Variants in MEGF11 observed in about 807,000 individuals in gnomAD.
MEGF11 encodes the protein multiple epidermal growth factor-like domains protein 11.
Under a neutral mutation model 146.6 loss-of-function variants are expected in MEGF11, and 126 were observed. That is an observed-to-expected ratio of 0.86 (90% confidence interval 0.74 to 1.00). MEGF11 has a LOEUF of 1.00. MEGF11 is among the 50% of genes least tolerant of loss of function. The probability of loss-of-function intolerance (pLI) is 0.00; values close to 1 mark genes in which losing one functional copy is unlikely to be tolerated. For synonymous variants in MEGF11, 532 were observed against 583.4 expected, an observed-to-expected ratio of 0.91 and a Z score of 1.27; for missense variants, 1,509 against 1,521.2, an observed-to-expected ratio of 0.99 and a Z score of 0.13.
chr15:66,143,639 G>GA (rs2089256128), intron 1 of MEGF11, among the ~76,000 whole-genome samples: 1 of 152,208 alleles, frequency 6.6e-6, no homozygotes, highest in Admixed American at 6.5e-5. Flanking sequence ...AAAGCTTCCG[G>GA]AAGTTGACTT....
intron 1 of MEGF11, among the ~76,000 whole-genome samples, chr15:66,150,212 C>T (rs184710878): frequency 2.0e-5 from 3 of 152,346 alleles, no homozygotes; most frequent in Non-Finnish European, 2.9e-5. Flanking sequence ...CAGGGGAGAA[C>T]GGCAGTTCAA....
chr15:66,055,164 C>T (rs960323918), intron 5 of MEGF11, among the ~76,000 whole-genome samples: 2 of 152,188 alleles, frequency 1.3e-5, no homozygotes, highest in Non-Finnish European at 2.9e-5. Flanking sequence ...AGACAAGATT[C>T]GTGGTCAAAC....
intron 7 of MEGF11, among the ~76,000 whole-genome samples, chr15:65,977,250 C>A (rs1308881990): frequency 6.6e-6 from 1 of 151,588 alleles, no homozygotes; most frequent in Admixed American, 6.6e-5. Flanking sequence ...CATGCCAGCT[C>A]TCCTGGAGGG....
At chr15:65,955,312 A>AGACT (rs1162081287) in intron 10 of MEGF11, among the ~76,000 whole-genome samples, 2 of 152,162 alleles carry the variant, frequency 1.3e-5, no homozygotes, top group Admixed American at 1.3e-4. Context: ...AGAGAAAACC[A>AGACT]GACTTCCTTC....
intron 1 of MEGF11, among the ~76,000 whole-genome samples, chr15:66,175,817 G>A (rs959407982): frequency 2.6e-5 from 4 of 152,016 alleles, no homozygotes; most frequent in Non-Finnish European, 4.4e-5. Flanking sequence ...AAAAATAGAC[G>A]AATGGGACTA....
At chr15:66,032,998 G>A (rs751304548) in intron 5 of MEGF11, among the ~76,000 whole-genome samples, 11 of 146,670 alleles carry the variant, frequency 7.5e-5, no homozygotes, top group East Asian at 6.0e-4. Flanking sequence ...GGAGAATGGC[G>A]TGAACCTGGG....
chr15:66,131,619 G>A (rs905943953), intron 1 of MEGF11, among the ~76,000 whole-genome samples: 1 of 152,210 alleles, frequency 6.6e-6, no homozygotes, highest in Non-Finnish European at 1.5e-5. Flanking sequence ...CACCTCTGGA[G>A]GGCATTCTCT....
chr15:66,130,377 C>T (rs989607664), intron 1 of MEGF11, among the ~76,000 whole-genome samples: 2 of 152,144 alleles, frequency 1.3e-5, no homozygotes, highest in Non-Finnish European at 2.9e-5. Context: ...CTCTCTGTGG[C>T]CCTGACTCAT....
intron 1 of MEGF11, among the ~76,000 whole-genome samples, chr15:66,167,404 G>A (rs968854053): frequency 3.3e-5 from 5 of 151,780 alleles, no homozygotes; most frequent in Non-Finnish European, 5.9e-5. Context: ...CACTTTGGGA[G>A]GCCGAGGCGG....
chr15:66,025,225 AC>A (rs2083287368), intron 5 of MEGF11, among the ~76,000 whole-genome samples: 1 of 152,064 alleles, frequency 6.6e-6, no homozygotes, highest in South Asian at 2.1e-4. Context: ...GGGAAAACAC[AC>A]CCGCATTCTC....
At chr15:65,974,770 A>G (rs1236058594) in intron 7 of MEGF11, among the ~76,000 whole-genome samples, 1 of 152,080 alleles carries the variant, frequency 6.6e-6, no homozygotes, top group Non-Finnish European at 1.5e-5. Flanking sequence ...GGTATTCAAA[A>G]GGGAGGAGAA....
In MEGF11 at chr15:66,174,980, T is replaced by C. The variant is rs140376161; in HGVS notation, c.-8-46569A>G. On this transcript the variant is annotated intron_variant, in intron 1 of 25. Coordinates refer to ENST00000395614, the MANE Select transcript of MEGF11 (RefSeq NM_001385028.1). ...AGCAATTGTAAATGAGATTGCTTTC[T>C]TGATTTCTTTTTCAGCTAGTTTGTA... Among the ~76,000 whole-genome samples, 361 of 152,340 alleles carry C rather than the reference T, an allele frequency of 2.4e-3. 2 individuals are homozygous for C. The highest frequency in any genetic ancestry group is 8.5e-3 in the African/African-American group (352 of 41,580).
At chr15:66,132,734 A>G (rs1036508276) in intron 1 of MEGF11, among the ~76,000 whole-genome samples, 1 of 152,164 alleles carries the variant, frequency 6.6e-6, no homozygotes, top group African/African-American at 2.4e-5. Flanking sequence ...TACCGTGCCT[A>G]TATTGCTGAA....
chr15:65,996,438 T>A (rs1455464459), intron 5 of MEGF11, among the ~76,000 whole-genome samples: 1 of 151,838 alleles, frequency 6.6e-6, no homozygotes, highest in African/African-American at 2.4e-5. Context: ...TTAAATACTG[T>A]GGGAAACTTG....
rs531755052 is a variant in MEGF11, at chr15:66,105,296, G to A, written c.302-10802C>T. ...GGAAAGGAAAAAGCAAGAGGAGGAG[G>A]AAGAGAGAGACAGAAAAGGGAGAAG... On this transcript the variant is annotated intron_variant, in intron 4 of 25. Coordinates refer to ENST00000395614, the MANE Select transcript of MEGF11 (RefSeq NM_001385028.1). Among the ~76,000 whole-genome samples the A allele has an allele frequency of 2.6e-5, 4 of 152,300 alleles. No individual in the cohort carries two copies. In the East Asian group the frequency reaches 7.7e-4, roughly 29 times the overall value.
intron 5 of MEGF11, among the ~76,000 whole-genome samples, chr15:65,991,589 C>T (rs2082045444): frequency 6.6e-6 from 1 of 152,192 alleles, no homozygotes; most frequent in Non-Finnish European, 1.5e-5. Flanking sequence ...ACAATTGTGG[C>T]AATCAAAAGT....
chr15:66,209,701 G>T (rs1302258516), intron 1 of MEGF11, among the ~76,000 whole-genome samples: 1 of 151,334 alleles, frequency 6.6e-6, no homozygotes, highest in Middle Eastern at 3.4e-3. Context: ...TAACATTCTT[G>T]AAATGAGAAT....
intron 9 of MEGF11, among the ~76,000 whole-genome samples, chr15:65,960,868 CTT>C (rs1158609891): frequency 6.6e-6 from 1 of 152,204 alleles, no homozygotes; most frequent in Non-Finnish European, 1.5e-5. Flanking sequence ...GCTGCCATCA[CTT>C]TGGCTGCTCA....
chr15:65,982,039 G>A lies in MEGF11; in HGVS notation c.641+203C>T, dbSNP rs2081657315. ...GGCCTGGGCATTTAGACTCACAGGA[G>A]ATTTCACAGCCAAGACTATCCCTCC... On this transcript the variant is annotated intron_variant, in intron 6 of 25. Coordinates refer to ENST00000395614, the MANE Select transcript of MEGF11 (RefSeq NM_001385028.1). The surrounding 1 kb of genome is among the most constrained non-coding windows in gnomAD (Gnocchi z 5.6). Among the ~76,000 whole-genome samples, 1 of 152,204 alleles carries A rather than the reference G, an allele frequency of 6.6e-6. No individual in the cohort carries two copies. Among genetic ancestry groups the A allele is most frequent in the South Asian group, 2.1e-4 (1 of 4,830 alleles).
Sources: gnomAD v4.1 joint callset for allele counts (sites outside exome capture counted in the v4.1 genomes callset) on GRCh38, gnomAD v4.1.1 for gene constraint, Gnocchi (gnomAD v3.1) non-coding constraint, MANE v1.5 for transcripts, NCBI Gene and HGNC (gene_info 2026-07-23, HGNC 2026-07-21) for gene names.